TBC1D1: variants seen among roughly 807,000 people sequenced by gnomAD.
TBC1D1 encodes TBC1 domain family member 1.
In TBC1D1, 89 loss-of-function variants were observed where a neutral mutation model predicts 125.6. The observed-to-expected ratio is 0.71, with a 90% CI of 0.60 to 0.85. The LOEUF (loss-of-function observed/expected upper bound fraction) is 0.85, where lower values mean the gene tolerates loss of function less well. Among genes scored for constraint, TBC1D1 ranks in the 40% least tolerant of loss-of-function variants. The pLI, the probability that TBC1D1 is intolerant of heterozygous loss-of-function variation, is 0.00. For missense variants in TBC1D1, 1,377 were observed against 1,469.2 expected, an observed-to-expected ratio of 0.94 and a Z score of 1.03; for synonymous variants, 565 against 564.1, an observed-to-expected ratio of 1.00 and a Z score of -0.02.
In TBC1D1 at chr4:38,006,585, G is replaced by T. The variant is rs111318632; in HGVS notation, c.418-7924G>T. 7.1e-3 allele frequency among the ~76,000 whole-genome samples: 1,037 copies of T among 146,768 alleles called. 2 individuals are homozygous for T. Among genetic ancestry groups the T allele is most frequent in the Non-Finnish European group, 0.012 (837 of 67,430 alleles). On this transcript the variant is annotated intron_variant, in intron 2 of 19. Transcript: ENST00000261439. ...CCTCTGCCTTCCGGGTTCAAGCGATGCTCCTGCCTCAGCCTCCCGAGTAGC... is the reference window on the plus strand; with the variant it reads ...CCTCTGCCTTCCGGGTTCAAGCGATTCTCCTGCCTCAGCCTCCCGAGTAGC...
intron 11 of TBC1D1, among the ~76,000 whole-genome samples, chr4:38,052,728 G>GCGCGCGCACACACACACA (rs1491148206): frequency 8.5e-6 from 1 of 118,274 alleles, no homozygotes; most frequent in African/African-American, 3.5e-5. Context: ...GCGCGCGCGC[G>GCGCGCGCACACACACACA]CACACACACA....
intron 12 of TBC1D1, among the ~76,000 whole-genome samples, chr4:38,080,866 C>T (rs938605390): frequency 6.6e-6 from 1 of 152,092 alleles, no homozygotes; most frequent in African/African-American, 2.4e-5. Flanking sequence ...GAATTGAATG[C>T]ATGATTGGTC....
At chr4:38,064,442 G>A (rs1320175604) in intron 12 of TBC1D1, among the ~76,000 whole-genome samples, 4 of 152,114 alleles carry the variant, frequency 2.6e-5, no homozygotes, top group Admixed American at 2.6e-4. Flanking sequence ...TTTCCTGCAG[G>A]CTGCCATGTG....
At position 38,079,582 on chromosome 4, in the gene TBC1D1, C is replaced by T. The variant is rs530100156; in HGVS notation, c.2051-10350C>T. Among the ~76,000 whole-genome samples the T allele has an allele frequency of 1.1e-4, 17 of 152,152 alleles. No individual in the cohort carries two copies. In the South Asian group the frequency reaches 3.1e-3, roughly 28 times the overall value. On this transcript the variant is annotated intron_variant, in intron 12 of 19. Coordinates refer to ENST00000261439, the MANE Select transcript of TBC1D1 (RefSeq NM_015173.4). ...TCTACTTAAAATACAAAAAAATTAG[C>T]CAGGTGTGGTGGTGTGCACCCATAA...
In TBC1D1 at chr4:38,135,215, C is replaced by T. The variant is rs185850316; in HGVS notation, c.3307-1920C>T. 7.8e-3 allele frequency among the ~76,000 whole-genome samples: 1,195 copies of T among 152,284 alleles called. 25 individuals carry two copies. Among genetic ancestry groups the T allele is most frequent in the Non-Finnish European group, 7.0e-3 (473 of 68,030 alleles). ...AACCCATTTCCTACCTTTATTCTGT[C>T]CATAAAATTGTTAGAAATATCAAAA... On this transcript the variant is annotated intron_variant, in intron 19 of 19. Transcript: ENST00000261439.
intron 2 of TBC1D1, among the ~76,000 whole-genome samples, chr4:37,966,041 CT>C (rs1367530143): frequency 1.3e-5 from 2 of 152,212 alleles, no homozygotes; most frequent in Admixed American, 6.5e-5. Flanking sequence ...GCCATCGCCC[CT>C]GGCCATGGGC....
intron 2 of TBC1D1, among the ~76,000 whole-genome samples, chr4:37,970,365 C>T (rs536348886): frequency 6.6e-6 from 1 of 152,324 alleles, no homozygotes; most frequent in South Asian, 2.1e-4. Context: ...CAAACTTACA[C>T]TAACATTCCC....
intron 12 of TBC1D1, among the ~76,000 whole-genome samples, chr4:38,059,491 T>C (rs896035149): frequency 2.0e-5 from 3 of 152,260 alleles, no homozygotes; most frequent in African/African-American, 7.2e-5. Flanking sequence ...TGTTTAAATG[T>C]AAAGCAAATG....
chr4:38,023,739 C>T (rs778737392), intron 6 of TBC1D1, among the ~76,000 whole-genome samples: 1 of 152,126 alleles, frequency 6.6e-6, no homozygotes, highest in Non-Finnish European at 1.5e-5. Flanking sequence ...GGTTCCTTCC[C>T]CCTTTTGACT....
At chr4:38,061,095 C>CAGTG (rs1175082752) in intron 12 of TBC1D1, among the ~76,000 whole-genome samples, 2 of 152,276 alleles carry the variant, frequency 1.3e-5, no homozygotes, top group East Asian at 3.8e-4. Context: ...GGGGAAAATG[C>CAGTG]AGTGATTAAA....
At position 38,081,073 on chromosome 4, in the gene TBC1D1, G is replaced by A. The variant is rs1210036255; in HGVS notation, c.2051-8859G>A. Among the ~76,000 whole-genome samples the A allele has an allele frequency of 1.1e-4, 16 of 152,186 alleles. No homozygotes were observed. In the Middle Eastern group the frequency reaches 0.01, roughly 97 times the overall value. On this transcript the variant is annotated intron_variant, in intron 12 of 19. Transcript: ENST00000261439. ...TTGGGTCGAGAGTTGCGTGGCTCCC[G>A]GGGCCTGCTTGTTTCCTTCCACTCT...
chr4:38,024,463 A>G (rs1452117479), intron 6 of TBC1D1, among the ~76,000 whole-genome samples: 2 of 152,192 alleles, frequency 1.3e-5, no homozygotes, highest in South Asian at 2.1e-4. Context: ...GAAAAGTTTG[A>G]TCAGGGTAGG....
chr4:37,947,523 C>A (rs1320749487), intron 2 of TBC1D1, among the ~76,000 whole-genome samples: 1 of 152,072 alleles, frequency 6.6e-6, no homozygotes, highest in African/African-American at 2.4e-5. Context: ...TATAGTCGTG[C>A]GATCATAGCT....
intron 12 of TBC1D1, among the ~76,000 whole-genome samples, chr4:38,083,314 CCTTGT>C (rs2152528107): frequency 6.6e-6 from 1 of 152,326 alleles, no homozygotes; most frequent in African/African-American, 2.4e-5. Flanking sequence ...AGTCAGCCAG[CCTTGT>C]CTTCTATATT....
At chr4:38,081,409 G>A (rs942912136) in intron 12 of TBC1D1, among the ~76,000 whole-genome samples, 4 of 151,360 alleles carry the variant, frequency 2.6e-5, no homozygotes, top group African/African-American at 9.7e-5. Flanking sequence ...CTATTTCTAC[G>A]TGACCATGGG....
intron 13 of TBC1D1, among the ~76,000 whole-genome samples, chr4:38,093,487 G>A (rs1758769503): frequency 6.6e-6 from 1 of 151,050 alleles, no homozygotes; most frequent in African/African-American, 2.4e-5. Context: ...GAAGACACCA[G>A]TCCTCCACCG....
At chr4:38,132,022 G>A (rs1227458422) in intron 18 of TBC1D1, among the ~76,000 whole-genome samples, 1 of 152,194 alleles carries the variant, frequency 6.6e-6, no homozygotes, top group Non-Finnish European at 1.5e-5. Context: ...TGATTCCAGG[G>A]AAGATAGGCT....
chr4:37,932,428 A>G (rs1723452854), intron 2 of TBC1D1, among the ~76,000 whole-genome samples: 1 of 152,256 alleles, frequency 6.6e-6, no homozygotes, highest in African/African-American at 2.4e-5. Context: ...AGAGAAAATA[A>G]ATTGCAAGGC....
At chr4:38,016,025 A>G (rs1418791947) in intron 3 of TBC1D1, among the ~76,000 whole-genome samples, 2 of 152,234 alleles carry the variant, frequency 1.3e-5, no homozygotes, top group African/African-American at 4.8e-5. Flanking sequence ...ATTTATAAGT[A>G]CTGACTGTTT....
Sources: gnomAD v4.1 joint callset for allele counts (sites outside exome capture counted in the v4.1 genomes callset) on GRCh38, gnomAD v4.1.1 for gene constraint, MANE v1.5 for transcripts, NCBI Gene and HGNC (gene_info 2026-07-23, HGNC 2026-07-21) for gene names.